Variants in RBFOX1 observed in about 807,000 individuals in gnomAD.
RBFOX1 encodes the protein RNA binding protein fox-1 homolog 1.
Under a neutral mutation model 57.7 loss-of-function variants are expected in RBFOX1, and 8 were observed. The ratio of observed to expected loss-of-function variants is 0.14; its 90% CI spans 0.08 to 0.25. RBFOX1 has a LOEUF of 0.25. Among genes scored for constraint, RBFOX1 ranks in the 10% least tolerant of loss-of-function variants. RBFOX1 has a pLI of 1.00. For synonymous variants in RBFOX1, 326 were observed against 222.4 expected, an observed-to-expected ratio of 1.47 and a Z score of -4.15; for missense variants, 611 against 548.5, an observed-to-expected ratio of 1.11 and a Z score of -1.14.
intron 1 of RBFOX1, among the ~76,000 whole-genome samples, chr16:6,140,232 C>G (rs1161842680): frequency 1.3e-5 from 2 of 151,182 alleles, no homozygotes; most frequent in African/African-American, 4.9e-5. Context: ...ATGCTTCTCA[C>G]CCAGGCTGGA....
chr16:7,619,400 G>A (rs576786007), intron 10 of RBFOX1, among the ~76,000 whole-genome samples: 2 of 152,134 alleles, frequency 1.3e-5, no homozygotes, highest in Non-Finnish European at 2.9e-5. Flanking sequence ...TGTGTATGTT[G>A]TGGCAGGCAT....
intron 4 of RBFOX1, among the ~76,000 whole-genome samples, chr16:7,086,955 G>C (rs1445023983): frequency 2.0e-5 from 3 of 152,050 alleles, no homozygotes; most frequent in African/African-American, 7.2e-5. Flanking sequence ...TCCACACCCT[G>C]GCTGAGAGCC....
At chr16:7,693,326 T>G (rs1457876092) in intron 14 of RBFOX1, 1 of 1,613,572 alleles carries the variant, frequency 6.2e-7, no homozygotes, top group Admixed American at 1.7e-5. Context: ...AATCAGTTCG[T>G]CTTCGTTGCA....
intron 4 of RBFOX1, among the ~76,000 whole-genome samples, chr16:7,098,092 A>G (rs1005131141): frequency 6.6e-6 from 1 of 152,234 alleles, no homozygotes. Flanking sequence ...CAAACAGGCA[A>G]GTGGTACAAG....
At chr16:6,457,367 G>A (rs1177733901) in intron 2 of RBFOX1, among the ~76,000 whole-genome samples, 2 of 150,928 alleles carry the variant, frequency 1.3e-5, no homozygotes, top group Non-Finnish European at 2.9e-5. Context: ...CTCAGAGTGA[G>A]AGAAGATGAG....
At chr16:6,962,951 T>A (rs947850418) in intron 3 of RBFOX1, among the ~76,000 whole-genome samples, 8 of 152,116 alleles carry the variant, frequency 5.3e-5, no homozygotes, top group African/African-American at 1.4e-4. Context: ...GATCTTGCTT[T>A]GATCGCTCAG....
At chr16:6,912,164 A>G (rs574918200) in intron 3 of RBFOX1, among the ~76,000 whole-genome samples, 1 of 152,344 alleles carries the variant, frequency 6.6e-6, no homozygotes, top group East Asian at 1.9e-4. Context: ...GCCATAAAGA[A>G]TGAGGTAAAT....
intron 1 of RBFOX1, among the ~76,000 whole-genome samples, chr16:6,106,872 T>C (rs985800072): frequency 1.4e-4 from 21 of 151,940 alleles, no homozygotes; most frequent in South Asian, 8.3e-4. Context: ...GGGGTTTCAC[T>C]GTGTTAGCCA....
At chr16:5,387,901 G>A (rs2066299380) in intron 1 of RBFOX1, among the ~76,000 whole-genome samples, 1 of 152,224 alleles carries the variant, frequency 6.6e-6, no homozygotes, top group South Asian at 2.1e-4. Context: ...CAGACAGCAG[G>A]CTCAGAATCA....
chr16:6,088,589 G>A (rs998570490), intron 1 of RBFOX1, among the ~76,000 whole-genome samples: 5 of 150,124 alleles, frequency 3.3e-5, no homozygotes, highest in African/African-American at 1.2e-4. Context: ...GCAGTATGTT[G>A]CATGCCAAAG....
At chr16:5,942,472 C>G (rs1446131490) in intron 4 of RBFOX1, among the ~76,000 whole-genome samples, 1 of 152,124 alleles carries the variant, frequency 6.6e-6, no homozygotes. Flanking sequence ...ATCTTAGGTT[C>G]TACAATAGTA....
At chr16:6,446,731 A>G (rs1336240135) in intron 2 of RBFOX1, among the ~76,000 whole-genome samples, 1 of 152,230 alleles carries the variant, frequency 6.6e-6, no homozygotes, top group African/African-American at 2.4e-5. Flanking sequence ...TATATTTACT[A>G]TAAATGTTAT....
At position 6,901,544 on chromosome 16, in the gene RBFOX1, G is replaced by C. The variant is rs534803208; in HGVS notation, c.-15-150513G>C. ...TGTCTAGTTAAGCAAATCCAGAGAAGATTTTTGTTTATGTAGTGGAATGTT... is the reference window on the plus strand; with the variant it reads ...TGTCTAGTTAAGCAAATCCAGAGAACATTTTTGTTTATGTAGTGGAATGTT... On this transcript the variant is annotated intron_variant, in intron 3 of 15. Coordinates refer to ENST00000550418, the MANE Select transcript of RBFOX1 (RefSeq NM_018723.4). Among the ~76,000 whole-genome samples, 19 of 152,282 alleles carry C rather than the reference G, an allele frequency of 1.2e-4. No homozygotes were observed. The East Asian group carries it at 3.1e-3, about 25-fold the overall frequency.
intron 4 of RBFOX1, among the ~76,000 whole-genome samples, chr16:7,433,609 A>C (rs1045084849): frequency 6.6e-6 from 1 of 152,184 alleles, no homozygotes; most frequent in Non-Finnish European, 1.5e-5. Context: ...CACTGACTTC[A>C]CGTGTTTGAA....
intron 3 of RBFOX1, among the ~76,000 whole-genome samples, chr16:6,674,282 C>T (rs1269261160): frequency 6.6e-6 from 1 of 152,076 alleles, no homozygotes; most frequent in African/African-American, 2.4e-5. Flanking sequence ...TGGATTGGAG[C>T]AGTCGTAAAA....
intron 10 of RBFOX1, among the ~76,000 whole-genome samples, chr16:7,615,147 T>A (rs984477603): frequency 6.6e-6 from 1 of 152,076 alleles, no homozygotes; most frequent in Admixed American, 6.5e-5. Flanking sequence ...TCCTGGCTAA[T>A]ACGGTGAAAC....
chr16:5,958,946 A>C (rs576494553), intron 4 of RBFOX1, among the ~76,000 whole-genome samples: 1 of 152,250 alleles, frequency 6.6e-6, no homozygotes, highest in East Asian at 1.9e-4. Flanking sequence ...AACCTAAATC[A>C]CATCTGCAGA....
chr16:7,133,130 T>G (rs1260364639), intron 4 of RBFOX1, among the ~76,000 whole-genome samples: 2 of 152,204 alleles, frequency 1.3e-5, no homozygotes, highest in East Asian at 3.9e-4. Context: ...AATGCAGGTT[T>G]TAATACCAAG....
chr16:7,328,714 T>C (rs952713973), intron 4 of RBFOX1: 3 of 151,616 alleles, frequency 2.0e-5, no homozygotes, highest in Non-Finnish European at 4.4e-5. Context: ...TGGAAATCTC[T>C]GGCACAGGGA....
Sources: allele counts gnomAD v4.1 joint callset (sites outside exome capture counted in the v4.1 genomes callset), GRCh38; gene constraint gnomAD v4.1.1; transcripts MANE v1.5; gene names NCBI Gene and HGNC (gene_info 2026-07-23, HGNC 2026-07-21).